The following IARS2 variants were observed in gnomAD, a reference collection of about 807,000 sequenced individuals.
The protein encoded by IARS2 is isoleucine--tRNA ligase, mitochondrial.
In IARS2, 56 loss-of-function variants were observed where a neutral mutation model predicts 126.3. That is an observed-to-expected ratio of 0.44 (90% confidence interval 0.36 to 0.55). IARS2 has a LOEUF of 0.55. Ranked by LOEUF, IARS2 falls within the 20% of genes least tolerant of loss-of-function variation. The pLI, the probability that IARS2 is intolerant of heterozygous loss-of-function variation, is 0.00. For missense variants in IARS2, 1,127 were observed against 1,245.9 expected, an observed-to-expected ratio of 0.90 and a Z score of 1.44; for synonymous variants, 407 against 441.1, an observed-to-expected ratio of 0.92 and a Z score of 0.97.
chr1:220,143,558 G>C (rs1657530413), intron 21 of IARS2, among the ~76,000 whole-genome samples: 2 of 152,136 alleles, frequency 1.3e-5, no homozygotes, highest in African/African-American at 4.8e-5. Context: ...GGACTATTTA[G>C]AAGACAGGGG....
intron 14 of IARS2, among the ~76,000 whole-genome samples, chr1:220,128,755 G>C (rs976356342): frequency 2.0e-5 from 3 of 152,158 alleles, no homozygotes; most frequent in Admixed American, 2.0e-4. Flanking sequence ...AATTAATGCT[G>C]CTACCATTGT....
intron 17 of IARS2, among the ~76,000 whole-genome samples, chr1:220,138,433 T>C (rs1359066783): frequency 6.6e-6 from 1 of 152,112 alleles, no homozygotes; most frequent in Non-Finnish European, 1.5e-5. Flanking sequence ...ATCGCGCCAC[T>C]GGACTCCAGC....
intron 8 of IARS2, 104 bp downstream of exon 8, chr1:220,103,666 C>G: frequency 3.0e-6 from 2 of 661,626 alleles, no homozygotes; most frequent in South Asian, 3.5e-5. Flanking sequence ...CAGATATGGC[C>G]TCTACCTTTC....
At position 220,106,048 on chromosome 1, in the gene IARS2, C is replaced by G. The variant is rs752759785; in HGVS notation, c.1224C>G (p.His408Gln). ...GMEDYGVASQ[H>Q]NLPMDCLVDE... ...AAGACTACGGTGTAGCGTCTCAGCA[C>G]AACCTGCCCATGGTACTGTTCCTCT... Residue 408 changes from histidine to glutamine, a missense_variant, in exon 9 of 23, where the codon CAC (histidine) becomes CAG (glutamine). Physicochemically the swap from His to Gln is conservative, Grantham distance 24. Transcript: ENST00000366922. 2 of 1,613,294 alleles carry G rather than the reference C, an allele frequency of 1.2e-6. No homozygotes were observed. Among genetic ancestry groups the G allele is most frequent in the South Asian group, 2.2e-5 (2 of 91,008 alleles).
chr1:220,126,827 G>T lies in IARS2; in HGVS notation c.1821G>T (p.Trp607Cys). 6.2e-7 allele frequency: 1 copy of T among 1,609,258 alleles called. No homozygotes were observed. Among genetic ancestry groups the T allele is most frequent in the Non-Finnish European group, 8.5e-7 (1 of 1,178,370 alleles). Residue 607 changes from tryptophan (W) to cysteine (C), a missense_variant, in exon 14 of 23, where the codon TGG becomes TGT. Trp to Cys is a radical substitution (Grantham distance 215). Coordinates refer to ENST00000366922, the MANE Select transcript of IARS2 (RefSeq NM_018060.4). Reference sequence around the variant, plus strand: ...TCTGGTTTGATAGCGGAACTTCATGGTCTTATGTTCTTCCAGGTAATTCTT... The same window carrying T: ...TCTGGTTTGATAGCGGAACTTCATGTTCTTATGTTCTTCCAGGTAATTCTT... ...LDIWFDSGTS[W>C]SYVLPGPDQR...
chr1:220,143,221 C>G (rs1457190185), intron 21 of IARS2, 87 bp downstream of exon 21: 2 of 857,238 alleles, frequency 2.3e-6, no homozygotes, highest in Non-Finnish European at 3.6e-6. Context: ...CTAAATTAAT[C>G]AAATAACATT....
Position 220,141,819 on chromosome 1 carries a change from GA to G in IARS2, c.2435del (p.Asn812MetfsTer12), listed in dbSNP as rs1558132326. On this transcript the variant is annotated frameshift_variant, in exon 20 of 23. Coordinates refer to ENST00000366922, the MANE Select transcript of IARS2 (RefSeq NM_018060.4). LOFTEE classifies it high-confidence loss of function. ...CTTGTTCAGGCTCTATTGTGAAAAG[GA>G]AAATGACCCCAAACGACGCTCTTGT... The part of the protein sequence containing the change: ...IIKDRLYCEK[E>X]NDPKRRSCQT... The G allele has an allele frequency of 6.2e-7, 1 of 1,613,362 alleles. No homozygotes were observed. The highest frequency in any genetic ancestry group is 8.5e-7 in the Non-Finnish European group (1 of 1,179,792).
intron 12 of IARS2, among the ~76,000 whole-genome samples, chr1:220,124,037 A>T (rs1270489951): frequency 6.6e-6 from 1 of 152,232 alleles, no homozygotes; most frequent in Non-Finnish European, 1.5e-5. Flanking sequence ...AGGCACAGAA[A>T]TGTTAAGTGC....
At chr1:220,139,323 A>G (rs1657442222) in intron 18 of IARS2, among the ~76,000 whole-genome samples, 184 bp downstream of exon 18, 1 of 152,240 alleles carries the variant, frequency 6.6e-6, no homozygotes, top group South Asian at 2.1e-4. Flanking sequence ...CTATTTTTCC[A>G]ACAAGAAGGA....
At chr1:220,141,006 TG>T (rs758623159) in intron 19 of IARS2, among the ~76,000 whole-genome samples, 501 of 150,748 alleles carry the variant, frequency 3.3e-3, no homozygotes, top group Non-Finnish European at 4.6e-3. Context: ...AAAAAAAGAT[TG>T]GGTTCCGGAG....
At chr1:220,101,959 G>T (rs149378133) in intron 3 of IARS2, among the ~76,000 whole-genome samples, 170 bp from the exon 4 acceptor site, 1 of 152,294 alleles carries the variant, frequency 6.6e-6, no homozygotes, top group Non-Finnish European at 1.5e-5. Context: ...CCGAGATCAT[G>T]CCACTCGCGC....
At chr1:220,116,146 T>A (rs1431445695) in intron 12 of IARS2, among the ~76,000 whole-genome samples, 1 of 152,054 alleles carries the variant, frequency 6.6e-6, no homozygotes, top group African/African-American at 2.4e-5. Flanking sequence ...GAGTTTGAGG[T>A]TATAGTGAGC....
rs12039399 is a variant in IARS2, at chr1:220,103,807, G to A, written c.1066+245G>A. Among the ~76,000 whole-genome samples, 726 of 152,096 alleles carry A rather than the reference G, an allele frequency of 4.8e-3. 38 individuals carry two copies. The East Asian group carries it at 0.12, about 26-fold the overall frequency. On this transcript the variant is annotated intron_variant, in intron 8 of 22. Transcript: ENST00000366922. ...TTCTGGCAATATCCAGTAGTTACTT[G>A]GTAAAATTTTATGCAAAATTAATTT... is the stretch of plus-strand genomic sequence containing the variant.
At position 220,107,074 on chromosome 1, in the gene IARS2, A is replaced by G. The variant is rs1656697077; in HGVS notation, c.1250A>G (p.Asp417Gly). ...GATACTTTATAGGATTGTCTAGTGG[A>G]CGAAGATGGAGTTTTCACAGATGTT... ...QHNLPMDCLV[D>G]EDGVFTDVAG... The change falls in exon 10 of 23, where the codon GAC (aspartate) becomes GGC (glycine). Residue 417 changes from aspartate (D) to glycine (G), a missense_variant. By Grantham distance (94) the Asp-to-Gly change is moderately conservative (BLOSUM62 -1). Transcript: ENST00000366922. 6.8e-6 allele frequency: 11 copies of G among 1,609,908 alleles called. No individual in the cohort carries two copies. The highest frequency in any genetic ancestry group is 9.4e-6 in the Non-Finnish European group (11 of 1,176,204).
chr1:220,135,705 A>G (rs1379903113), intron 15 of IARS2, among the ~76,000 whole-genome samples: 2 of 148,098 alleles, frequency 1.4e-5, no homozygotes, highest in East Asian at 2.1e-4. Context: ...AAGACCAGTA[A>G]AAGGGCAGAT....
chr1:220,142,354 T>G (rs1299132995), intron 20 of IARS2, among the ~76,000 whole-genome samples: 1 of 151,964 alleles, frequency 6.6e-6, no homozygotes, highest in African/African-American at 2.4e-5. Flanking sequence ...TAAAAATTAG[T>G]GGGGCATGGT....
chr1:220,124,367 G>A (rs1176127741), intron 12 of IARS2, among the ~76,000 whole-genome samples: 2 of 152,142 alleles, frequency 1.3e-5, no homozygotes, highest in East Asian at 1.9e-4. Flanking sequence ...GTTAGGTGCT[G>A]TACTAAGTTT....
intron 12 of IARS2, 43 bp from the exon 13 acceptor site, chr1:220,125,194 C>G (rs1456376349): frequency 8.9e-7 from 1 of 1,124,322 alleles, no homozygotes; most frequent in South Asian, 1.5e-5. Context: ...TTATTCATCA[C>G]AATAGTTAAT....
At chr1:220,131,454 C>T (rs1461711051) in intron 14 of IARS2, among the ~76,000 whole-genome samples, 3 of 152,072 alleles carry the variant, frequency 2.0e-5, no homozygotes, top group Non-Finnish European at 4.4e-5. Context: ...CGGGTTCAAG[C>T]GATTCTCCTG....
Sources: gnomAD v4.1 joint callset for allele counts (sites outside exome capture counted in the v4.1 genomes callset) on GRCh38, gnomAD v4.1.1 for gene constraint, MANE v1.5 for transcripts, NCBI Gene and HGNC (gene_info 2026-07-23, HGNC 2026-07-21) for gene names.